HTR2C: variants seen among roughly 807,000 people sequenced by gnomAD.
The protein encoded by HTR2C is 5-hydroxytryptamine (serotonin) receptor 2C, G protein-coupled.
In HTR2C, 5 loss-of-function variants were observed where a neutral mutation model predicts 21.0. The observed-to-expected ratio is 0.24, with a 90% CI of 0.12 to 0.50. The LOEUF (loss-of-function observed/expected upper bound fraction) is 0.50. Ranked by LOEUF, HTR2C falls within the 20% of genes least tolerant of loss-of-function variation. The pLI is 0.98. For missense variants in HTR2C, 271 were observed against 371.2 expected (o/e 0.73, Z 2.22); for synonymous variants, 150 against 145.3 (o/e 1.03, Z -0.23).
At chrX:114,589,440 C>T (rs782038943) in intron 1 of HTR2C, among the ~76,000 whole-genome samples, 1 of 111,127 alleles carries the variant, frequency 9.0e-6, no homozygotes, top group Non-Finnish European at 1.9e-5. Context: ...GTGAGTTGGA[C>T]CCACAGGTTT....
intron 4 of HTR2C, among the ~76,000 whole-genome samples, chrX:114,757,788 ATTGT>A (rs1176672603): frequency 8.9e-6 from 1 of 112,212 alleles, no homozygotes; most frequent in Non-Finnish European, 1.9e-5. Flanking sequence ...TCATCATTTT[ATTGT>A]TTAACAAAAA....
intron 1 of HTR2C, among the ~76,000 whole-genome samples, chrX:114,613,008 C>G (rs959379778): frequency 4.5e-5 from 5 of 110,034 alleles, no homozygotes; most frequent in African/African-American, 6.6e-5. Flanking sequence ...CCGATCTCGG[C>G]TCACTGCAAC....
chrX:114,768,360 C>T (rs893949251), intron 4 of HTR2C, among the ~76,000 whole-genome samples: 23 of 110,891 alleles, frequency 2.1e-4, no homozygotes, highest in African/African-American at 6.8e-4. Context: ...TTTTAACTTA[C>T]TATACAATTT....
At chrX:114,890,442 G>T (rs1464505313) in intron 5 of HTR2C, among the ~76,000 whole-genome samples, 3 of 111,856 alleles carry the variant, frequency 2.7e-5, no homozygotes, top group Admixed American at 9.5e-5. Context: ...ACCATTTCTT[G>T]TTCCCTTCAT....
chrX:114,623,332 G>A (rs1357402412), intron 2 of HTR2C, among the ~76,000 whole-genome samples: 3 of 111,809 alleles, frequency 2.7e-5, no homozygotes, highest in Non-Finnish European at 5.6e-5. Context: ...TTGTTTTCTT[G>A]CTAGTATTGT....
At chrX:114,680,563 A>G (rs986191080) in intron 2 of HTR2C, among the ~76,000 whole-genome samples, 10 of 111,846 alleles carry the variant, frequency 8.9e-5, no homozygotes, top group African/African-American at 3.3e-4. Flanking sequence ...TGGGCAGGAA[A>G]TAAGGGTTAG....
chrX:114,840,037 A>G (rs1556465069), intron 4 of HTR2C, among the ~76,000 whole-genome samples: 1 of 111,520 alleles, frequency 9.0e-6, no homozygotes, highest in Non-Finnish European at 1.9e-5. Flanking sequence ...TCTTTGGAGC[A>G]AAAGAACCAA....
At chrX:114,608,258 T>C (rs1483427026) in intron 1 of HTR2C, among the ~76,000 whole-genome samples, 1 of 111,887 alleles carries the variant, frequency 8.9e-6, no homozygotes, top group African/African-American at 3.3e-5. Context: ...AACAGTTTTA[T>C]TGACCTGTAA....
chrX:114,806,921 CAT>C (rs781972036), intron 4 of HTR2C, among the ~76,000 whole-genome samples: 99 of 73,645 alleles, frequency 1.3e-3, no homozygotes, highest in African/African-American at 4.4e-3. Flanking sequence ...ATGTATATAC[CAT>C]ATATATACCA....
rs782014592 is a variant in HTR2C at position 114,723,690 on chromosome X, C to T, written c.-79-3168C>T. ...TTCCCTCTACACACTGCTTTGAATGCGTCCCAGAGATTCTGGTATGTTGTG... is the reference window on the plus strand; with the variant it reads ...TTCCCTCTACACACTGCTTTGAATGTGTCCCAGAGATTCTGGTATGTTGTG... On this transcript the variant is annotated intron_variant, in intron 2 of 5. Transcript: ENST00000276198. Among the ~76,000 whole-genome samples, 451 of 110,565 alleles carry T rather than the reference C, an allele frequency of 4.1e-3. 4 individuals carry two copies. The highest frequency in any genetic ancestry group is 0.013 in the African/African-American group (398 of 30,469).
intron 4 of HTR2C, among the ~76,000 whole-genome samples, chrX:114,811,804 C>T (rs1235014574): frequency 8.9e-6 from 1 of 112,242 alleles, no homozygotes; most frequent in Non-Finnish European, 1.9e-5. Context: ...CCAGCATGTG[C>T]TTTCATTAGT....
In HTR2C at chrX:114,807,057, C is replaced by T. The variant is rs377429118; in HGVS notation, c.350-40946C>T. ...ATACACCATATATATACCATATATA[C>T]ACCATATATATACCATATATACACC... is the stretch of plus-strand genomic sequence containing the variant. On this transcript the variant is annotated intron_variant, in intron 4 of 5. Coordinates refer to ENST00000276198, the MANE Select transcript of HTR2C (RefSeq NM_000868.4). Among the ~76,000 whole-genome samples the T allele has an allele frequency of 6.4e-4, 20 of 31,033 alleles. 4 individuals are homozygous for T. Among genetic ancestry groups the T allele is most frequent in the African/African-American group, 1.1e-3 (19 of 16,956 alleles). 26.9% of individuals were successfully genotyped at this position (31,033 alleles called of 115,157 possible).
intron 2 of HTR2C, among the ~76,000 whole-genome samples, chrX:114,726,424 C>G (rs1286124133): frequency 8.9e-6 from 1 of 112,389 alleles, no homozygotes; most frequent in Non-Finnish European, 1.9e-5. Context: ...CTGGCACTCC[C>G]TAGTGAGATG....
In HTR2C at chrX:114,843,779, A is replaced by G. The variant is rs1380263273; in HGVS notation, c.350-4224A>G. 5.4e-5 allele frequency among the ~76,000 whole-genome samples: 6 copies of G among 111,804 alleles called. No homozygotes were observed. In the Admixed American group the frequency reaches 5.7e-4, roughly 11 times the overall value. ...GTATCTTTAACAAGATAAACAGTGA[A>G]TTTCTCTACAGAGACCATGGAGGCC... On this transcript the variant is annotated intron_variant, in intron 4 of 5. Transcript: ENST00000276198.
intron 2 of HTR2C, among the ~76,000 whole-genome samples, chrX:114,640,256 A>G (rs782365709): frequency 8.9e-6 from 1 of 111,883 alleles, no homozygotes; most frequent in Non-Finnish European, 1.9e-5. Flanking sequence ...GTAGAATTGG[A>G]TATTGTCAGT....
At chrX:114,649,604 G>A (rs191571164) in intron 2 of HTR2C, among the ~76,000 whole-genome samples, 2 of 111,024 alleles carry the variant, frequency 1.8e-5, no homozygotes, top group Non-Finnish European at 3.8e-5. Flanking sequence ...ATTTATTTTT[G>A]TTGTTGTTGT....
chrX:114,588,578 C>T (rs1556390282), intron 1 of HTR2C, among the ~76,000 whole-genome samples: 1 of 111,770 alleles, frequency 8.9e-6, no homozygotes. Context: ...AATATCTAGA[C>T]AAGGATAGCA....
At chrX:114,657,048 G>C (rs1319657945) in intron 2 of HTR2C, among the ~76,000 whole-genome samples, 5 of 111,153 alleles carry the variant, frequency 4.5e-5, no homozygotes, top group African/African-American at 1.6e-4. Context: ...AACTTTTCTA[G>C]TTGTGATTAT....
intron 2 of HTR2C, among the ~76,000 whole-genome samples, chrX:114,642,591 T>C (rs1361992356): frequency 8.9e-6 from 1 of 112,094 alleles, no homozygotes; most frequent in East Asian, 2.8e-4. Flanking sequence ...CACGGGTAGA[T>C]GCCAGTCAGA....
Sources: allele counts gnomAD v4.1 joint callset (sites outside exome capture counted in the v4.1 genomes callset), GRCh38; gene constraint gnomAD v4.1.1; transcripts MANE v1.5; gene names NCBI Gene and HGNC (gene_info 2026-07-23, HGNC 2026-07-21).